TENM2: variants seen among roughly 807,000 people sequenced by gnomAD.
TENM2 encodes the protein teneurin-2.
Under a neutral mutation model 245.2 loss-of-function variants are expected in TENM2, and 52 were observed. The ratio of observed to expected loss-of-function variants is 0.21; its 90% CI spans 0.17 to 0.27. TENM2 has a LOEUF of 0.27. Ranked by LOEUF, TENM2 falls within the 10% of genes least tolerant of loss-of-function variation. The probability of loss-of-function intolerance (pLI) is 1.00; values close to 1 mark genes in which losing one functional copy is unlikely to be tolerated. For missense variants in TENM2, 3,046 were observed against 3,666.8 expected (o/e 0.83, Z 4.37); for synonymous variants, 1,363 against 1,438.9 (o/e 0.95, Z 1.19).
At chr5:168,154,363 C>T (rs1053640782) in intron 12 of TENM2, among the ~76,000 whole-genome samples, 1 of 151,912 alleles carries the variant, frequency 6.6e-6, no homozygotes, top group African/African-American at 2.4e-5. Flanking sequence ...ATTATAGGTG[C>T]CTGCCACCAT....
chr5:168,244,619 G>A lies in TENM2; in HGVS notation c.5720G>A (p.Gly1907Glu), dbSNP rs893896057. ...GGGCGCCTGGCTGGGCTTCAGCGTG[G>A]GGCCATGAGCGAGAGGACAGACATC... The change falls in exon 26 of 29, where the codon GGG (glycine) becomes GAG (glutamate). Residue 1907 changes from glycine (G) to glutamate (E), a missense_variant. Coordinates refer to ENST00000518659, the Ensembl canonical transcript of TENM2. The surrounding 1 kb of genome is among the most constrained non-coding windows in gnomAD (Gnocchi z 4.9). 1.9e-6 allele frequency: 3 copies of A among 1,594,972 alleles called. No homozygotes were observed. In the African/African-American group the frequency reaches 4.0e-5, roughly 21 times the overall value.
rs368442081 is a variant in TENM2 at position 167,487,307 on chromosome 5, G to T, written c.502+111834G>T. On this transcript the variant is annotated intron_variant, in intron 2 of 28. Coordinates refer to ENST00000518659, the Ensembl canonical transcript of TENM2. Reference sequence around the variant, plus strand: ...GAGGAAGCACTGGAGACAACAAAAGGCCTTTAATCTAAACCAGAACTAGAT... The same window carrying T: ...GAGGAAGCACTGGAGACAACAAAAGTCCTTTAATCTAAACCAGAACTAGAT... Among the ~76,000 whole-genome samples the T allele has an allele frequency of 1.2e-3, 188 of 152,210 alleles. 1 individual carries two copies. The highest frequency in any genetic ancestry group is 4.2e-3 in the African/African-American group (176 of 41,532).
intron 1 of TENM2, among the ~76,000 whole-genome samples, chr5:167,356,216 A>AAG (rs1759318699): frequency 7.4e-6 from 1 of 134,324 alleles, no homozygotes; most frequent in African/African-American, 3.2e-5. Context: ...AAAAAAAAAA[A>AAG]AAAAATTAAA....
intron 5 of TENM2, among the ~76,000 whole-genome samples, chr5:168,000,071 C>G (rs147167850): frequency 4.8e-4 from 73 of 152,336 alleles, no homozygotes; most frequent in African/African-American, 1.6e-3. Flanking sequence ...TAGCAGTCAT[C>G]CATCCAGAAG....
chr5:168,153,059 A>C (rs188954462), intron 12 of TENM2, among the ~76,000 whole-genome samples: 30 of 152,310 alleles, frequency 2.0e-4, no homozygotes, highest in Non-Finnish European at 3.7e-4. Flanking sequence ...GTATTCATTC[A>C]ACAGATATCT....
chr5:167,954,336 C>T (rs1048284835), intron 4 of TENM2, among the ~76,000 whole-genome samples: 3 of 152,006 alleles, frequency 2.0e-5, no homozygotes, highest in African/African-American at 4.8e-5. Flanking sequence ...AATTTAAACA[C>T]GGATTGGGTA....
chr5:167,556,068 C>T (rs1773243239), intron 2 of TENM2, among the ~76,000 whole-genome samples: 1 of 152,050 alleles, frequency 6.6e-6, no homozygotes, highest in Non-Finnish European at 1.5e-5. Flanking sequence ...AATATTTTCC[C>T]TTTCTCCTGT....
intron 2 of TENM2, among the ~76,000 whole-genome samples, chr5:167,601,975 A>C (rs1776666745): frequency 1.3e-5 from 2 of 151,850 alleles, no homozygotes; most frequent in Admixed American, 1.3e-4. Flanking sequence ...GGGGAAAGGA[A>C]GGAAAGGGAG....
chr5:167,423,701 A>G (rs532457937), intron 2 of TENM2, among the ~76,000 whole-genome samples: 4 of 152,334 alleles, frequency 2.6e-5, no homozygotes, highest in African/African-American at 9.6e-5. Flanking sequence ...TTTAAGCATT[A>G]TACTGAGAAA....
chr5:167,301,173 G>A (rs1232938533), intron 1 of TENM2, among the ~76,000 whole-genome samples: 1 of 152,238 alleles, frequency 6.6e-6, no homozygotes, highest in African/African-American at 2.4e-5. Flanking sequence ...AAGCCGAGAA[G>A]ATCTGGGAAG....
At chr5:168,019,388 G>A (rs1785945474) in intron 5 of TENM2, among the ~76,000 whole-genome samples, 1 of 152,138 alleles carries the variant, frequency 6.6e-6, no homozygotes, top group Admixed American at 6.6e-5. Context: ...GAGCCAAGGA[G>A]GCCATTCCAA....
At chr5:167,654,752 T>C (rs1316358530) in intron 2 of TENM2, among the ~76,000 whole-genome samples, 2 of 152,048 alleles carry the variant, frequency 1.3e-5, no homozygotes, top group East Asian at 3.9e-4. Flanking sequence ...AGAAATAACA[T>C]GGAATATGGG....
At chr5:167,447,485 C>A (rs1257427321) in intron 2 of TENM2, among the ~76,000 whole-genome samples, 1 of 152,182 alleles carries the variant, frequency 6.6e-6, no homozygotes, top group Non-Finnish European at 1.5e-5. Context: ...GAGAATTTAA[C>A]AATTTTACTT....
chr5:167,169,163 C>G, the TENM2 span, among the ~76,000 whole-genome samples: 1 of 152,176 alleles, frequency 6.6e-6, no homozygotes, highest in African/African-American at 2.4e-5. Context: ...AAACCGCACT[C>G]CTTTGGTGCT....
chr5:167,929,233 G>A (rs1314551163), intron 3 of TENM2, among the ~76,000 whole-genome samples: 1 of 147,042 alleles, frequency 6.8e-6, no homozygotes, highest in Admixed American at 6.8e-5. Context: ...GATGGAGGGA[G>A]GAAGGCAGGC....
chr5:167,007,576 T>C, the TENM2 span, among the ~76,000 whole-genome samples: 1 of 152,176 alleles, frequency 6.6e-6, no homozygotes, highest in Non-Finnish European at 1.5e-5. The surrounding 1 kb of genome is among the most constrained non-coding windows in gnomAD (Gnocchi z 4.2). Context: ...TTGATGTAAA[T>C]CATTCCACAC....
the TENM2 span, among the ~76,000 whole-genome samples, chr5:166,994,156 C>T: frequency 6.6e-6 from 1 of 152,210 alleles, no homozygotes. Context: ...TTATCACTCG[C>T]TTCCAGATCT....
intron 13 of TENM2, among the ~76,000 whole-genome samples, chr5:168,184,112 A>G (rs1022593880): frequency 1.3e-5 from 2 of 152,198 alleles, no homozygotes; most frequent in African/African-American, 2.4e-5. Flanking sequence ...CTAACTTTCT[A>G]TCATCACTGA....
At chr5:167,689,062 G>A (rs1252485457) in intron 2 of TENM2, among the ~76,000 whole-genome samples, 1 of 152,094 alleles carries the variant, frequency 6.6e-6, no homozygotes, top group Non-Finnish European at 1.5e-5. Context: ...GAAAAACGTT[G>A]TTATTTTGAG....
Sources: gnomAD v4.1 joint callset for allele counts (sites outside exome capture counted in the v4.1 genomes callset) on GRCh38, gnomAD v4.1.1 for gene constraint, Gnocchi (gnomAD v3.1) non-coding constraint, MANE v1.5 for transcripts, NCBI Gene and HGNC (gene_info 2026-07-23, HGNC 2026-07-21) for gene names.